SEMA6B: variants seen among roughly 807,000 people sequenced by gnomAD.
SEMA6B encodes semaphorin-6B.
A neutral mutation model predicts 78.6 loss-of-function variants in SEMA6B; 47 were observed. The observed-to-expected ratio is 0.60, with a 90% CI of 0.47 to 0.76. The LOEUF (loss-of-function observed/expected upper bound fraction) is 0.76, where lower values mean the gene tolerates loss of function less well. SEMA6B is among the 30% of genes least tolerant of loss of function. The pLI is 0.00. For missense variants in SEMA6B, 1,213 were observed against 1,269.9 expected, an observed-to-expected ratio of 0.96 and a Z score of 0.68; for synonymous variants, 632 against 592.2, an observed-to-expected ratio of 1.07 and a Z score of -0.98.
chr19:4,550,383 T>TTTG lies in SEMA6B; in HGVS notation c.1122-112_1122-111insCAA, dbSNP rs1341366219. 1.3e-5 allele frequency: 15 copies of TTTG among 1,191,788 alleles called. No individual in the cohort carries two copies. Among genetic ancestry groups the TTTG allele is most frequent in the Non-Finnish European group, 1.8e-5 (15 of 844,188 alleles). 73.8% of individuals were successfully genotyped at this position (1,191,788 alleles called of 1,614,324 possible). A position where few individuals can be genotyped will look rare whatever the true frequency, so the allele number is the denominator to read the frequency against. ...CAACGACCCTCAGGTTTTTTGTTTG[T>TTTG]TTTGTTTTTGAGACAGAGTCTCAAT... On this transcript the variant is annotated intron_variant, in intron 11 of 16. Coordinates refer to ENST00000586582, the MANE Select transcript of SEMA6B (RefSeq NM_032108.4). The surrounding 1 kb of genome is among the most constrained non-coding windows in gnomAD (Gnocchi z 6.6).
At chr19:4,557,629 C>T (rs1397469815) in intron 3 of SEMA6B, among the ~76,000 whole-genome samples, 1 of 152,206 alleles carries the variant, frequency 6.6e-6, no homozygotes, top group Non-Finnish European at 1.5e-5. Context: ...TTTGATCTGT[C>T]CGGTCTCTCT....
At position 4,552,775 on chromosome 19, in the gene SEMA6B, G is replaced by C. The variant is rs535382735; in HGVS notation, c.772-136C>G. 3.9e-6 allele frequency: 3 copies of C among 759,834 alleles called. No individual in the cohort carries two copies. Among genetic ancestry groups the C allele is most frequent in the Non-Finnish European group, 6.2e-6 (3 of 486,092 alleles). 47.1% of individuals were successfully genotyped at this position (759,834 alleles called of 1,614,324 possible). ...TCTGGTGGGACCCCGGCCAGTCACC[G>C]TTCCTCTCTGGGCACCGGCTTCCCT... On this transcript the variant is annotated intron_variant, in intron 9 of 16. Coordinates refer to ENST00000586582, the MANE Select transcript of SEMA6B (RefSeq NM_032108.4). This position sits in a 1 kb window ranked among gnomAD's most constrained non-coding sequence, Gnocchi z 7.4.
chr19:4,544,308 G>A lies in SEMA6B; in HGVS notation c.1960C>T (p.Leu654=). 1 of 1,480,046 alleles carries A rather than the reference G, an allele frequency of 6.8e-7. No individual in the cohort carries two copies. Among genetic ancestry groups the A allele is most frequent in the Non-Finnish European group, 8.9e-7 (1 of 1,120,902 alleles). 91.7% of individuals were successfully genotyped at this position (1,480,046 alleles called of 1,614,324 possible). Residue 654 remains leucine, a synonymous_variant, in exon 17 of 17, where the codon CTG becomes TTG. Transcript: ENST00000586582. This position sits in a 1 kb window ranked among gnomAD's most constrained non-coding sequence, Gnocchi z 5.1. The part of the protein sequence containing the change: ...AGEAVLSVSR[L]GERRAQGPGG... ...GGACCCTGCGCCCTGCGCTCGCCCA[G>A]GCGGCTGACGCTCAGCACCGCCTCG...
chr19:4,545,348 A>G (rs1411449763), intron 16 of SEMA6B, among the ~76,000 whole-genome samples: 1 of 150,456 alleles, frequency 6.6e-6, no homozygotes, highest in Non-Finnish European at 1.5e-5. Context: ...CTCAAAAAAA[A>G]AAAAAAAAGA....
intron 5 of SEMA6B, 64 bp from the exon 6 acceptor site, chr19:4,556,153 C>G: frequency 8.5e-7 from 1 of 1,178,490 alleles, no homozygotes; most frequent in Non-Finnish European, 1.3e-6. Flanking sequence ...ATGGGCGTGG[C>G]CAGAACCTGA....
At position 4,558,107 on chromosome 19, in the gene SEMA6B, C is replaced by G. The variant is rs768420508; in HGVS notation, c.164G>C (p.Arg55Pro). 1.3e-6 allele frequency: 2 copies of G among 1,528,588 alleles called. No individual in the cohort carries two copies. Among genetic ancestry groups the G allele is most frequent in the Non-Finnish European group, 1.8e-6 (2 of 1,130,560 alleles). 94.7% of individuals were successfully genotyped at this position (1,528,588 alleles called of 1,614,324 possible). ...GTCAGCACCTTCTGCGGGGGTCAGG[C>G]GTCCGGGCCCGCTGCCCACAAACAC... ...YPVFVGSGPGRLTPAEGADDL... is the reference protein window; with the variant it reads ...YPVFVGSGPGPLTPAEGADDL... The change falls in exon 3 of 17, where the codon CGC (arginine) becomes CCC (proline). Residue 55 changes from arginine (R) to proline (P), a missense_variant. Transcript: ENST00000586582. This position sits in a 1 kb window ranked among gnomAD's most constrained non-coding sequence, Gnocchi z 5.1.
chr19:4,553,528 A>G (rs935657256), intron 9 of SEMA6B, among the ~76,000 whole-genome samples: 2 of 145,530 alleles, frequency 1.4e-5, no homozygotes, highest in Non-Finnish European at 3.0e-5. Context: ...AAATGGATGG[A>G]TAGATGGGTG....
Position 4,543,589 on chromosome 19 carries a change from G to C in SEMA6B, c.*12C>G, listed in dbSNP as rs1309063911. On this transcript the variant is annotated 3_prime_UTR_variant, in exon 17 of 17. Coordinates refer to ENST00000586582, the MANE Select transcript of SEMA6B (RefSeq NM_032108.4). ...GTGGCTGGCACTGCCAAGGCATCGGGGGGCCCCCGGCCTAGGGCACGGGGG... is the reference window on the plus strand; with the variant it reads ...GTGGCTGGCACTGCCAAGGCATCGGCGGGCCCCCGGCCTAGGGCACGGGGG... The C allele has an allele frequency of 8.2e-7, 1 of 1,220,882 alleles. No homozygotes were observed. The highest frequency in any genetic ancestry group is 4.0e-5 in the South Asian group (1 of 24,840). 75.6% of individuals were successfully genotyped at this position (1,220,882 alleles called of 1,614,324 possible).
Position 4,548,345 on chromosome 19 carries a change from G to A in SEMA6B, c.1372C>T (p.Leu458Phe). The change falls in exon 13 of 17, where the codon CTC becomes TTC. Residue 458 changes from leucine to phenylalanine, a missense_variant. Physicochemically the swap from Leu to Phe is conservative, Grantham distance 22 (BLOSUM62 0). Coordinates refer to ENST00000586582, the MANE Select transcript of SEMA6B (RefSeq NM_032108.4). ...GAGGTGCTGGCATTGGGCCGGACGA[G>A]GAACTTGAGGACCGTCCCCGCCTCA... is the stretch of plus-strand genomic sequence containing the variant. ...GSEAGTVLKF[L>F]VRPNASTSGT... 6.2e-7 allele frequency: 1 copy of A among 1,613,920 alleles called. No homozygotes were observed. Among genetic ancestry groups the A allele is most frequent in the Non-Finnish European group, 8.5e-7 (1 of 1,180,024 alleles).
At chr19:4,556,663 CAG>C (rs975574750) in intron 5 of SEMA6B, among the ~76,000 whole-genome samples, 5 of 151,718 alleles carry the variant, frequency 3.3e-5, no homozygotes, top group African/African-American at 4.8e-5. Flanking sequence ...GTAGGACTGA[CAG>C]GGGCAGAAGT....
rs1977097585 is a variant in SEMA6B at position 4,544,076 on chromosome 19, C to A, written c.2192G>T (p.Gly731Val). Residue 731 changes from glycine to valine, a missense_variant, in exon 17 of 17, where the codon GGC (glycine) becomes GTC (valine). Coordinates refer to ENST00000586582, the MANE Select transcript of SEMA6B (RefSeq NM_032108.4). This position sits in a 1 kb window ranked among gnomAD's most constrained non-coding sequence, Gnocchi z 5.1. ...GTGGCCGTGGTCCCAGGCGCGGGGGCCCAGGGCGTGGGGGTGCGGGTGCGG... is the reference window on the plus strand; with the variant it reads ...GTGGCCGTGGTCCCAGGCGCGGGGGACCAGGGCGTGGGGGTGCGGGTGCGG... ...PTPHPHPHAL[G>V]PRAWDHGHPL... is the part of the protein sequence containing the mutation. 8.1e-7 allele frequency: 1 copy of A among 1,239,946 alleles called. No individual in the cohort carries two copies. The highest frequency in any genetic ancestry group is 3.1e-5 in the South Asian group (1 of 32,262). 76.8% of individuals were successfully genotyped at this position (1,239,946 alleles called of 1,614,324 possible). A position where few individuals can be genotyped will look rare whatever the true frequency, so the allele number is the denominator to read the frequency against.
chr19:4,548,008 G>A lies in SEMA6B; in HGVS notation c.1601+19C>T. 1 of 1,528,680 alleles carries A rather than the reference G, an allele frequency of 6.5e-7. No homozygotes were observed. The highest frequency in any genetic ancestry group is 8.8e-7 in the Non-Finnish European group (1 of 1,138,756). 94.7% of individuals were successfully genotyped at this position (1,528,680 alleles called of 1,614,324 possible). ...CTCCCTTGCTTCCCGCCCACGGCTG[G>A]CCTGGGGTGGACACTCACTTCATAC... On this transcript the variant is annotated intron_variant, in intron 14 of 16. Coordinates refer to ENST00000586582, the MANE Select transcript of SEMA6B (RefSeq NM_032108.4).
chr19:4,554,563 G>T, intron 8 of SEMA6B, 87 bp from the exon 9 acceptor site: 2 of 1,024,700 alleles, frequency 2.0e-6, no homozygotes, highest in Non-Finnish European at 3.0e-6. Flanking sequence ...TTATGGTGAA[G>T]GGGGGACATA....
rs1288091692 is a variant in SEMA6B at position 4,550,013 on chromosome 19, G to A, written c.1271+110C>T. On this transcript the variant is annotated intron_variant, in intron 12 of 16. Coordinates refer to ENST00000586582, the MANE Select transcript of SEMA6B (RefSeq NM_032108.4). The surrounding 1 kb of genome is among the most constrained non-coding windows in gnomAD (Gnocchi z 6.6). The stretch of plus-strand genomic sequence containing the variant: ...TGTCTCTCTGTGTCTCCAGCTCTCT[G>A]GGCAGCGCCGGAAGCCATGGGCTCA... The A allele has an allele frequency of 9.8e-7, 1 of 1,023,248 alleles. No homozygotes were observed. The highest frequency in any genetic ancestry group is 1.4e-6 in the Non-Finnish European group (1 of 695,616). The allele number at this position is 1,023,248 out of a possible 1,614,324, so 63.4% of individuals were successfully genotyped here.
chr19:4,546,424 G>A lies in SEMA6B; in HGVS notation c.1647C>T (p.Asp549=), dbSNP rs374860692. ...SQDPYCGWAP[D]GSCIFLSPGT... Reference sequence around the variant, plus strand: ...CCGGGCTGAGGAAGATGCAGGAGCCGTCGGGGGCCCACCCGCAGTAGGGGT... The same window carrying A: ...CCGGGCTGAGGAAGATGCAGGAGCCATCGGGGGCCCACCCGCAGTAGGGGT... The change falls in exon 15 of 17, where the codon GAC becomes GAT. Residue 549 remains aspartate, a synonymous_variant. Transcript: ENST00000586582. The A allele has an allele frequency of 4.6e-5, 72 of 1,580,618 alleles. 1 individual carries two copies. Among genetic ancestry groups the A allele is most frequent in the Admixed American group, 1.1e-4 (6 of 55,944 alleles).
At chr19:4,553,433 T>TA (rs1193954247) in intron 9 of SEMA6B, among the ~76,000 whole-genome samples, 2 of 104,134 alleles carry the variant, frequency 1.9e-5, no homozygotes, top group East Asian at 7.3e-4. Flanking sequence ...GATGGGTGGA[T>TA]GGTTGGATGG....
intron 8 of SEMA6B, among the ~76,000 whole-genome samples, chr19:4,554,690 TTTG>T (rs1342306978): frequency 6.6e-6 from 1 of 152,228 alleles, no homozygotes; most frequent in Non-Finnish European, 1.5e-5. Context: ...TCAACTATTT[TTTG>T]TTATCTTCCT....
At chr19:4,557,052 C>A in intron 4 of SEMA6B, 39 bp from the exon 5 acceptor site, 1 of 1,605,942 alleles carries the variant, frequency 6.2e-7, no homozygotes. Context: ...TAACGGGTCC[C>A]AGCAGCCCTG....
chr19:4,543,821 C>T lies in SEMA6B; in HGVS notation c.2447G>A (p.Gly816Asp). 2 of 1,215,382 alleles carry T rather than the reference C, an allele frequency of 1.6e-6. No individual in the cohort carries two copies. Among genetic ancestry groups the T allele is most frequent in the Non-Finnish European group, 1.0e-6 (1 of 977,690 alleles). 75.3% of individuals were successfully genotyped at this position (1,215,382 alleles called of 1,614,324 possible). ...GGGCGGGCTCCAGGGCCGCGGGAGG[C>T]CATCGGCGGCTGAGGCTGGGTCCAA... ...GPLDPASAAD[G>D]LPRPWSPPPT... Residue 816 changes from glycine to aspartate, a missense_variant, in exon 17 of 17, where the codon GGC becomes GAC. Transcript: ENST00000586582.
Sources: allele counts gnomAD v4.1 joint callset (sites outside exome capture counted in the v4.1 genomes callset), GRCh38; gene constraint gnomAD v4.1.1; non-coding constraint Gnocchi (gnomAD v3.1); transcripts MANE v1.5; gene names NCBI Gene and HGNC (gene_info 2026-07-23, HGNC 2026-07-21).